The following DOCK4 variants were observed in gnomAD, a reference collection of about 807,000 sequenced individuals.
The protein encoded by DOCK4 is dedicator of cytokinesis protein 4.
In DOCK4, 97 loss-of-function variants were observed where a neutral mutation model predicts 268.1. That is an observed-to-expected ratio of 0.36 (90% CI 0.31 to 0.43). The LOEUF is 0.43. Ranked by LOEUF, DOCK4 falls within the 20% of genes least tolerant of loss-of-function variation. DOCK4 has a pLI of 1.00. For missense variants in DOCK4, 2,145 were observed against 2,455.7 expected (o/e 0.87, Z 2.67); for synonymous variants, 954 against 887.2 (o/e 1.08, Z -1.34).
At chr7:111,767,895 T>A (rs181234380) in intron 37 of DOCK4, among the ~76,000 whole-genome samples, 1 of 152,168 alleles carries the variant, frequency 6.6e-6, no homozygotes, top group East Asian at 1.9e-4. Context: ...AATTCTTTAA[T>A]CTAGTATAGG....
At chr7:112,127,124 G>A (rs1394186312) in intron 1 of DOCK4, among the ~76,000 whole-genome samples, 1 of 149,848 alleles carries the variant, frequency 6.7e-6, no homozygotes, top group Non-Finnish European at 1.5e-5. Flanking sequence ...TGTTTATTGC[G>A]GCATTATTCA....
At chr7:111,960,372 A>AC (rs997277516) in intron 8 of DOCK4, among the ~76,000 whole-genome samples, 6 of 150,718 alleles carry the variant, frequency 4.0e-5, no homozygotes, top group Admixed American at 2.0e-4. Context: ...TTAAAAAAAA[A>AC]AAAAAGAAAA....
At chr7:112,029,223 T>G (rs1478124246) in intron 1 of DOCK4, among the ~76,000 whole-genome samples, 2 of 152,184 alleles carry the variant, frequency 1.3e-5, no homozygotes, top group Non-Finnish European at 2.9e-5. Flanking sequence ...ACAGAAAGGC[T>G]GGATGGCCAC....
At chr7:112,027,046 C>T (rs921528134) in intron 1 of DOCK4, among the ~76,000 whole-genome samples, 1 of 152,114 alleles carries the variant, frequency 6.6e-6, no homozygotes, top group African/African-American at 2.4e-5. Flanking sequence ...CTCAATGGTA[C>T]TTTATCATTT....
rs781530065 is a variant in DOCK4, at chr7:111,745,683, T to TAAAAAAA, written c.4677+644_4677+650dup. 3.4e-4 allele frequency among the ~76,000 whole-genome samples: 17 copies of TAAAAAAA among 49,612 alleles called. 1 individual carries two copies. Among genetic ancestry groups the TAAAAAAA allele is most frequent in the African/African-American group, 1.4e-3 (15 of 11,012 alleles). 32.5% of individuals were successfully genotyped at this position (49,612 alleles called of 152,430 possible). A position where few individuals can be genotyped will look rare whatever the true frequency, so the allele number is the denominator to read the frequency against. ...TGGGTGACAGAGGGAGACTCCGTCT[T>TAAAAAAA]AAAAAAAAAAAAAAAAAAAAAAAAA... On this transcript the variant is annotated intron_variant, in intron 44 of 52. Coordinates refer to ENST00000428084, the MANE Select transcript of DOCK4 (RefSeq NM_001363540.2).
chr7:112,148,055 C>T (rs1286961492), intron 1 of DOCK4, among the ~76,000 whole-genome samples: 2 of 152,044 alleles, frequency 1.3e-5, no homozygotes, highest in Non-Finnish European at 2.9e-5. Context: ...GCTTTCACAG[C>T]ATCCAGCTTT....
chr7:111,747,688 A>C (rs1187057858), intron 42 of DOCK4, among the ~76,000 whole-genome samples: 1 of 152,234 alleles, frequency 6.6e-6, no homozygotes, highest in Admixed American at 6.5e-5. Context: ...CATCAATTCT[A>C]CATTAGCACT....
Position 111,948,698 on chromosome 7 carries a change from G to A in DOCK4, c.702-2900C>T, listed in dbSNP as rs150869761. Among the ~76,000 whole-genome samples the A allele has an allele frequency of 4.0e-3, 603 of 151,594 alleles. 3 individuals are homozygous for A. Among genetic ancestry groups the A allele is most frequent in the African/African-American group, 0.013 (552 of 41,316 alleles). ...CAACCTCTACCTCCCGGATTCAGGCGATTCTCCTGCCTCAGCTTCCTGAGT... is the reference window on the plus strand; with the variant it reads ...CAACCTCTACCTCCCGGATTCAGGCAATTCTCCTGCCTCAGCTTCCTGAGT... On this transcript the variant is annotated intron_variant, in intron 8 of 52. Coordinates refer to ENST00000428084, the MANE Select transcript of DOCK4 (RefSeq NM_001363540.2).
intron 1 of DOCK4, among the ~76,000 whole-genome samples, chr7:112,102,914 C>T (rs780034757): frequency 1.6e-4 from 24 of 152,196 alleles, no homozygotes; most frequent in Non-Finnish European, 3.1e-4. Context: ...TTACCATTTA[C>T]ACAATAGGTT....
In DOCK4 at chr7:111,844,763, A is replaced by C. The variant is rs1158847011; in HGVS notation, c.2736T>G (p.Thr912=). 6.2e-7 allele frequency: 1 copy of C among 1,612,762 alleles called. No individual in the cohort carries two copies. Among genetic ancestry groups the C allele is most frequent in the Admixed American group, 1.7e-5 (1 of 59,844 alleles). The change falls in exon 25 of 53, where the codon ACT becomes ACG. Residue 912 remains threonine, a splice_region_variant and synonymous_variant. Transcript: ENST00000428084. The part of the protein sequence containing the change: ...SAMRFQFQDV[T]GEFVACLLSL... ...CGTGCCATCTGCTCTATGATCTTAC[A>C]GTGACATCCTGGAACTGGAACCGCA... is the stretch of plus-strand genomic sequence containing the variant.
intron 1 of DOCK4, among the ~76,000 whole-genome samples, chr7:112,050,655 A>AGT (rs369876908): frequency 4.6e-5 from 7 of 152,200 alleles, no homozygotes; most frequent in African/African-American, 1.7e-4. Flanking sequence ...AGAGAGAGAG[A>AGT]GAGAGATAGC....
rs1321144566 is a variant in DOCK4, at chr7:111,778,685, T to C, written c.3586-316A>G. Among the ~76,000 whole-genome samples, 4 of 152,198 alleles carry C rather than the reference T, an allele frequency of 2.6e-5. No individual in the cohort carries two copies. In the East Asian group the frequency reaches 7.7e-4, roughly 29 times the overall value. Reference sequence around the variant, plus strand: ...ATATTAAAAATACGTAACAGATTAATCCATTTTTTAACTTGGCCGATTGAT... The same window carrying C: ...ATATTAAAAATACGTAACAGATTAACCCATTTTTTAACTTGGCCGATTGAT... On this transcript the variant is annotated intron_variant, in intron 35 of 52. Coordinates refer to ENST00000428084, the MANE Select transcript of DOCK4 (RefSeq NM_001363540.2).
At chr7:112,049,430 TTAAAA>T (rs1805149019) in intron 1 of DOCK4, among the ~76,000 whole-genome samples, 2 of 151,796 alleles carry the variant, frequency 1.3e-5, no homozygotes, top group Admixed American at 1.3e-4. Context: ...ATTATAATCA[TTAAAA>T]TAAAATTGTA....
intron 30 of DOCK4, among the ~76,000 whole-genome samples, chr7:111,805,682 G>GA (rs907168770): frequency 2.0e-5 from 3 of 151,978 alleles, no homozygotes; most frequent in African/African-American, 7.3e-5. Flanking sequence ...CAGTGGAATG[G>GA]AAAAAAACAA....
intron 45 of DOCK4, 147 bp downstream of exon 45, chr7:111,741,866 A>C: frequency 7.8e-7 from 1 of 1,286,944 alleles, no homozygotes; most frequent in Non-Finnish European, 1.0e-6. Context: ...ATAGCAGACA[A>C]GGCAATTGTA....
intron 12 of DOCK4, among the ~76,000 whole-genome samples, chr7:111,922,013 A>C (rs1793177411): frequency 6.6e-6 from 1 of 152,242 alleles, no homozygotes; most frequent in African/African-American, 2.4e-5. Context: ...AACATAGGAG[A>C]CTTGACAAAG....
At chr7:111,730,185 A>AAGAT (rs1225386588) in intron 52 of DOCK4, among the ~76,000 whole-genome samples, 1 of 152,188 alleles carries the variant, frequency 6.6e-6, no homozygotes, top group Admixed American at 6.5e-5. Context: ...AACGAGTCCT[A>AAGAT]AGATAGATGC....
In DOCK4 at chr7:112,050,325, T is replaced by C. The variant is rs557834992; in HGVS notation, c.38-46194A>G. On this transcript the variant is annotated intron_variant, in intron 1 of 52. Coordinates refer to ENST00000428084, the MANE Select transcript of DOCK4 (RefSeq NM_001363540.2). Reference sequence around the variant, plus strand: ...TCCCTGGACTATGGAGGAGGCTCTTTTGCTATCCAATGTTAAGGTCACTGG... The same window carrying C: ...TCCCTGGACTATGGAGGAGGCTCTTCTGCTATCCAATGTTAAGGTCACTGG... 8.5e-5 allele frequency among the ~76,000 whole-genome samples: 13 copies of C among 152,256 alleles called. 1 individual carries two copies. The highest frequency in any genetic ancestry group is 2.4e-4 in the African/African-American group (10 of 41,564).
At chr7:111,770,046 A>T (rs1422013711) in intron 36 of DOCK4, among the ~76,000 whole-genome samples, 1 of 152,012 alleles carries the variant, frequency 6.6e-6, no homozygotes, top group East Asian at 1.9e-4. Context: ...GAGAGAGTTC[A>T]CTAGTAAGTT....
Sources: allele counts gnomAD v4.1 joint callset (sites outside exome capture counted in the v4.1 genomes callset), GRCh38; gene constraint gnomAD v4.1.1; transcripts MANE v1.5; gene names NCBI Gene and HGNC (gene_info 2026-07-23, HGNC 2026-07-21).